ADGRL2: variants seen among roughly 807,000 people sequenced by gnomAD.
ADGRL2 encodes adhesion G protein-coupled receptor L2, also known as calcium-independent alpha-latrotoxin receptor 2.
Under a neutral mutation model 157.4 loss-of-function variants are expected in ADGRL2, and 44 were observed. The ratio of observed to expected loss-of-function variants is 0.28; its 90% confidence interval spans 0.22 to 0.36. The LOEUF (loss-of-function observed/expected upper bound fraction) is 0.36. Among genes scored for constraint, ADGRL2 ranks in the 10% least tolerant of loss-of-function variants. The pLI is 1.00. For synonymous variants in ADGRL2, 585 were observed against 624.7 expected, an observed-to-expected ratio of 0.94 and a Z score of 0.95; for missense variants, 1,510 against 1,768.9, an observed-to-expected ratio of 0.85 and a Z score of 2.63.
chr1:81,845,915 CT>C (rs1282869616), intron 2 of ADGRL2, among the ~76,000 whole-genome samples: 1 of 151,674 alleles, frequency 6.6e-6, no homozygotes, highest in Admixed American at 6.6e-5. Context: ...TAGCTATTTT[CT>C]TTTGTGAGAC....
rs1475128833 is a variant in ADGRL2 at position 81,903,819 on chromosome 1, A to T, written c.74-3198A>T. ...ATATATACACATTTTATATACACAC[A>T]CACACACACACACACACACACACAC... is the stretch of plus-strand genomic sequence containing the variant. On this transcript the variant is annotated intron_variant, in intron 2 of 23. Transcript: ENST00000686636. 2.8e-5 allele frequency among the ~76,000 whole-genome samples: 4 copies of T among 143,752 alleles called. No homozygotes were observed. The East Asian group carries it at 5.9e-4, about 21-fold the overall frequency. 94.3% of individuals were successfully genotyped at this position (143,752 alleles called of 152,430 possible).
chr1:81,353,372 G>A (rs550631722), intron 1 of ADGRL2, among the ~76,000 whole-genome samples: 8 of 152,122 alleles, frequency 5.3e-5, no homozygotes, highest in Admixed American at 2.6e-4. Flanking sequence ...TCTGAATTAA[G>A]GATAGAATGA....
chr1:81,886,194 C>CA (rs1438745208), intron 2 of ADGRL2, among the ~76,000 whole-genome samples: 1 of 152,072 alleles, frequency 6.6e-6, no homozygotes, highest in East Asian at 1.9e-4. Flanking sequence ...GGTGGGGAGA[C>CA]AAAGTCTTGC....
intron 2 of ADGRL2, among the ~76,000 whole-genome samples, chr1:81,578,502 T>C (rs893314446): frequency 2.0e-5 from 3 of 152,198 alleles, no homozygotes; most frequent in Non-Finnish European, 2.9e-5. Context: ...ATTTAGGAAT[T>C]ATATTAAGTG....
At chr1:81,659,871 G>A (rs2082616931) in intron 3 of ADGRL2, among the ~76,000 whole-genome samples, 1 of 152,116 alleles carries the variant, frequency 6.6e-6, no homozygotes, top group Non-Finnish European at 1.5e-5. Context: ...GTGATTCAAT[G>A]TTTATTGAAA....
At chr1:81,594,493 A>G (rs904152167) in intron 3 of ADGRL2, among the ~76,000 whole-genome samples, 5 of 152,208 alleles carry the variant, frequency 3.3e-5, no homozygotes, top group Non-Finnish European at 7.4e-5. Flanking sequence ...CAGTTTCCTT[A>G]TTATAAGGAA....
rs1427132834 is a variant in ADGRL2, at chr1:81,822,221, T to C, written c.-100-14664T>C. 2.0e-5 allele frequency among the ~76,000 whole-genome samples: 3 copies of C among 149,772 alleles called. No homozygotes were observed. The East Asian group carries it at 5.8e-4, about 29-fold the overall frequency. On this transcript the variant is annotated intron_variant, in intron 1 of 23. Transcript: ENST00000686636. ...TCTTTGTTTTGAAAGATGATAAAAG[T>C]GTTTTCTACACATGTTTCCCGCTAT... is the stretch of plus-strand genomic sequence containing the variant.
chr1:81,821,665 G>T (rs945656284), intron 1 of ADGRL2, among the ~76,000 whole-genome samples: 2 of 152,056 alleles, frequency 1.3e-5, no homozygotes, highest in South Asian at 2.1e-4. Context: ...GAGCTGTAGG[G>T]TTTCAAGATT....
chr1:81,824,505 G>T (rs529601916), intron 1 of ADGRL2, among the ~76,000 whole-genome samples: 1 of 151,990 alleles, frequency 6.6e-6, no homozygotes, highest in Non-Finnish European at 1.5e-5. Flanking sequence ...GAACTCCTGG[G>T]CTCAAGCCAT....
At chr1:81,910,253 T>G (rs1274762183) in intron 3 of ADGRL2, among the ~76,000 whole-genome samples, 2 of 148,498 alleles carry the variant, frequency 1.3e-5, no homozygotes, top group Non-Finnish European at 3.0e-5. Flanking sequence ...ACAATAATAA[T>G]AATAATAATA....
intron 2 of ADGRL2, among the ~76,000 whole-genome samples, chr1:81,540,966 A>G (rs569031467): frequency 1.5e-4 from 23 of 152,304 alleles, no homozygotes; most frequent in Admixed American, 3.9e-4. Flanking sequence ...TTAATTTTAT[A>G]CCTAATGGTA....
intron 1 of ADGRL2, among the ~76,000 whole-genome samples, chr1:81,391,395 G>T (rs2076554106): frequency 6.6e-6 from 1 of 152,306 alleles, no homozygotes; most frequent in South Asian, 2.1e-4. Flanking sequence ...AACTAGAGCT[G>T]CTGCTCTCTC....
At chr1:81,437,235 C>T (rs1001458642) in intron 1 of ADGRL2, among the ~76,000 whole-genome samples, 2 of 152,128 alleles carry the variant, frequency 1.3e-5, no homozygotes. Flanking sequence ...CTGCAGTCTC[C>T]TGGAATCACA....
chr1:81,676,668 A>G (rs2082997599), intron 3 of ADGRL2, among the ~76,000 whole-genome samples: 2 of 151,718 alleles, frequency 1.3e-5, no homozygotes, highest in African/African-American at 4.8e-5. Flanking sequence ...ATGTGTACAG[A>G]ACTCACTGGA....
At chr1:81,514,767 T>C (rs2079143662) in intron 2 of ADGRL2, 1 of 152,188 alleles carries the variant, frequency 6.6e-6, no homozygotes. Context: ...AAATATTACA[T>C]TTGAGTTGAA....
At chr1:81,396,344 T>C (rs2076654924) in intron 1 of ADGRL2, among the ~76,000 whole-genome samples, 1 of 152,240 alleles carries the variant, frequency 6.6e-6, no homozygotes, top group Admixed American at 6.5e-5. Flanking sequence ...TGCATGTTAA[T>C]TTTGTATCTT....
In ADGRL2 at chr1:81,316,011, A is replaced by G. The variant is rs193087723; in HGVS notation, c.-302+9502A>G. ...CTCATATTTATTTCCTCATCTTATA[A>G]TATTTTCCTTCTCATGTGTGCCCTT... On this transcript the variant is annotated intron_variant, in intron 1 of 24. Coordinates refer to the ADGRL2 transcript ENST00000370721. 1.1e-3 allele frequency among the ~76,000 whole-genome samples: 169 copies of G among 152,010 alleles called. 1 individual carries two copies. In the Middle Eastern group the frequency reaches 0.014, roughly 12 times the overall value.
intron 4 of ADGRL2, among the ~76,000 whole-genome samples, chr1:81,937,893 G>C (rs1206049541): frequency 6.6e-6 from 1 of 151,804 alleles, no homozygotes; most frequent in Admixed American, 6.6e-5. Context: ...AATTCTGATA[G>C]ATCTGCTGTG....
chr1:81,925,195 A>T (rs2095075921), intron 3 of ADGRL2, among the ~76,000 whole-genome samples: 2 of 152,120 alleles, frequency 1.3e-5, no homozygotes, highest in Non-Finnish European at 2.9e-5. Flanking sequence ...TGTTTTTAGA[A>T]TAACAGTTTT....
Sources: allele counts gnomAD v4.1 joint callset (sites outside exome capture counted in the v4.1 genomes callset), GRCh38; gene constraint gnomAD v4.1.1; transcripts MANE v1.5; gene names NCBI Gene and HGNC (gene_info 2026-07-23, HGNC 2026-07-21).